The following MATN2 variants were observed in gnomAD, a reference collection of about 807,000 sequenced individuals.
MATN2 encodes the protein matrilin 2.
A neutral mutation model predicts 103.2 loss-of-function variants in MATN2; 69 were observed. The observed-to-expected ratio is 0.67, with a 90% CI of 0.55 to 0.82. The LOEUF (loss-of-function observed/expected upper bound fraction) is 0.82, where lower values mean the gene tolerates loss of function less well. Ranked by LOEUF, MATN2 falls within the 40% of genes least tolerant of loss-of-function variation. The pLI, the probability that MATN2 is intolerant of heterozygous loss-of-function variation, is 0.00. For synonymous variants in MATN2, 429 were observed against 450.2 expected, an observed-to-expected ratio of 0.95 and a Z score of 0.60; for missense variants, 1,023 against 1,211.5, an observed-to-expected ratio of 0.84 and a Z score of 2.31.
intron 13 of MATN2, chr8:98,025,700 C>T (rs1475862494): frequency 5.0e-5 from 20 of 402,550 alleles, no homozygotes; most frequent in African/African-American, 1.1e-4. Flanking sequence ...AAGCCAAGAT[C>T]GCGCCATTGT....
At chr8:97,959,679 T>TTAAAAC (rs1811244498) in intron 4 of MATN2, among the ~76,000 whole-genome samples, 1 of 152,220 alleles carries the variant, frequency 6.6e-6, no homozygotes, top group Non-Finnish European at 1.5e-5. Flanking sequence ...AAACCAGAAT[T>TTAAAAC]CTTATTTGTA....
At chr8:97,947,652 G>A (rs1272456272) in intron 4 of MATN2, among the ~76,000 whole-genome samples, 3 of 152,116 alleles carry the variant, frequency 2.0e-5, no homozygotes, top group Admixed American at 2.0e-4. Context: ...ATCATGGATT[G>A]GAAGACTTAA....
rs775897900 is a variant in MATN2, at chr8:97,930,935, C to CAA, written c.143-18_143-17insAA. The CAA allele has an allele frequency of 1.3e-6, 2 of 1,575,100 alleles. No homozygotes were observed. Among genetic ancestry groups the CAA allele is most frequent in the African/African-American group, 2.7e-5 (2 of 74,514 alleles). ...CTGGCCTCTCTTCTAATGTATTTGA[C>CAA]CTCTCCTCTTTCCCCAGAGAGTTCC... is the stretch of plus-strand genomic sequence containing the variant. On this transcript the variant is annotated splice_polypyrimidine_tract_variant and intron_variant, in intron 2 of 18. Transcript: ENST00000254898.
chr8:97,925,918 C>T (rs1265670017), intron 2 of MATN2, among the ~76,000 whole-genome samples: 1 of 152,174 alleles, frequency 6.6e-6, no homozygotes, highest in Non-Finnish European at 1.5e-5. Flanking sequence ...AGTATGATTA[C>T]ACTGCCATGA....
intron 4 of MATN2, among the ~76,000 whole-genome samples, chr8:97,944,126 G>T (rs1810667462): frequency 6.6e-6 from 1 of 152,232 alleles, no homozygotes; most frequent in Non-Finnish European, 1.5e-5. Context: ...TCCAGGCGGA[G>T]GAGGGCTAGG....
chr8:97,956,240 C>T (rs56050019), intron 4 of MATN2, among the ~76,000 whole-genome samples: 11,385 of 151,934 alleles, frequency 0.075, 636 homozygotes, highest in Admixed American at 0.19. Context: ...TGCAGTGGCG[C>T]GATCTCAGCT....
chr8:98,007,569 A>G lies in MATN2; in HGVS notation c.1541A>G (p.His514Arg). Reference protein sequence around the residue: ...RSFACQCPEGHVLRSDGKTCA... With the variant: ...RSFACQCPEGRVLRSDGKTCA... ...TTTGCCTGTCAGTGTCCTGAGGGAC[A>G]CGTGCTCCGCAGCGATGGGAAGACG... The change falls in exon 10 of 19, where the codon CAC becomes CGC. Residue 514 changes from histidine (H) to arginine (R), a missense_variant. Coordinates refer to ENST00000254898, the MANE Select transcript of MATN2 (RefSeq NM_002380.5). This position sits in a 1 kb window ranked among gnomAD's most constrained non-coding sequence, Gnocchi z 4.2. 1 of 1,613,014 alleles carries G rather than the reference A, an allele frequency of 6.2e-7. No homozygotes were observed. Among genetic ancestry groups the G allele is most frequent in the East Asian group, 2.2e-5 (1 of 44,840 alleles).
chr8:97,986,999 A>ATTT, intron 6 of MATN2, among the ~76,000 whole-genome samples: 1 of 143,268 alleles, frequency 7.0e-6, no homozygotes, highest in Non-Finnish European at 1.5e-5. Flanking sequence ...CGCCCAGCTA[A>ATTT]TTTTTTTTTT....
intron 2 of MATN2, among the ~76,000 whole-genome samples, chr8:97,897,744 C>T (rs1294433272): frequency 6.6e-6 from 1 of 152,200 alleles, no homozygotes; most frequent in African/African-American, 2.4e-5. Context: ...CCGCCCTCAG[C>T]ACAGACCTGC....
intron 2 of MATN2, among the ~76,000 whole-genome samples, chr8:97,913,708 G>A (rs943119342): frequency 3.3e-5 from 5 of 149,832 alleles, no homozygotes; most frequent in African/African-American, 7.3e-5. Flanking sequence ...TCTGCCTCCC[G>A]GGTTCAAGCA....
intron 13 of MATN2, among the ~76,000 whole-genome samples, 155 bp from the exon 14 acceptor site, chr8:98,027,261 G>A (rs1008562723): frequency 1.3e-5 from 2 of 152,022 alleles, no homozygotes; most frequent in Non-Finnish European, 2.9e-5. Context: ...GTTGCTTGTG[G>A]CCCTCCCAAC....
At chr8:97,988,171 A>AAAAAAAATAT (rs1252963740) in intron 6 of MATN2, among the ~76,000 whole-genome samples, 1 of 46,118 alleles carries the variant, frequency 2.2e-5, no homozygotes, top group African/African-American at 1.3e-4. Context: ...AAAAAAAAAA[A>AAAAAAAATAT]ATATATATAT....
intron 11 of MATN2, among the ~76,000 whole-genome samples, chr8:98,017,170 CCT>C (rs1813393480): frequency 6.6e-6 from 1 of 152,206 alleles, no homozygotes; most frequent in Non-Finnish European, 1.5e-5. Flanking sequence ...ATTCAGTCAA[CCT>C]CTGTCTCTGC....
chr8:97,939,341 C>T (rs1405932271), intron 3 of MATN2, among the ~76,000 whole-genome samples: 3 of 152,050 alleles, frequency 2.0e-5, no homozygotes, highest in Non-Finnish European at 4.4e-5. Context: ...CATTTTAAAC[C>T]GCAAAATCAC....
chr8:98,018,683 A>G (rs1487545924), intron 12 of MATN2, among the ~76,000 whole-genome samples: 1 of 152,122 alleles, frequency 6.6e-6, no homozygotes, highest in Non-Finnish European at 1.5e-5. Flanking sequence ...AGAGAAGAGA[A>G]CTTGTGCAGG....
intron 1 of MATN2, among the ~76,000 whole-genome samples, chr8:97,887,558 T>A (rs1475133555): frequency 6.6e-6 from 1 of 152,218 alleles, no homozygotes; most frequent in East Asian, 1.9e-4. Context: ...CCAACACTCT[T>A]GTAATAAATG....
intron 3 of MATN2, among the ~76,000 whole-genome samples, chr8:97,933,922 G>A (rs540590229): frequency 3.3e-5 from 5 of 152,230 alleles, no homozygotes; most frequent in East Asian, 1.9e-4. Flanking sequence ...TTATGTTATC[G>A]CAGAAAGCCC....
chr8:97,930,322 C>A (rs1461052855), intron 2 of MATN2, among the ~76,000 whole-genome samples: 1 of 152,222 alleles, frequency 6.6e-6, no homozygotes, highest in African/African-American at 2.4e-5. Context: ...AGTGCCCAGC[C>A]AAGCTTATGT....
At chr8:97,957,342 A>G (rs1193821209) in intron 4 of MATN2, among the ~76,000 whole-genome samples, 2 of 152,242 alleles carry the variant, frequency 1.3e-5, no homozygotes, top group Non-Finnish European at 2.9e-5. Flanking sequence ...TCCAAAAAAC[A>G]TCTGTATTTG....
Sources: gnomAD v4.1 joint callset for allele counts (sites outside exome capture counted in the v4.1 genomes callset) on GRCh38, gnomAD v4.1.1 for gene constraint, Gnocchi (gnomAD v3.1) non-coding constraint, MANE v1.5 for transcripts, NCBI Gene and HGNC (gene_info 2026-07-23, HGNC 2026-07-21) for gene names.